IQCK: variants seen among roughly 807,000 people sequenced by gnomAD.
IQCK encodes the protein IQ motif containing K, also known as IQ domain-containing protein K.
In IQCK, 29 loss-of-function variants were observed where a neutral mutation model predicts 28.1. The observed-to-expected ratio is 1.03, with a 90% CI of 0.77 to 1.41. The LOEUF (loss-of-function observed/expected upper bound fraction) is 1.41, where lower values mean the gene tolerates loss of function less well. Ranked by LOEUF, IQCK falls within the 40% of genes most tolerant of loss-of-function variation. The probability of loss-of-function intolerance (pLI) is 0.00; values close to 1 mark genes in which losing one functional copy is unlikely to be tolerated. For missense variants in IQCK, 359 were observed against 314.7 expected (o/e 1.14, Z -1.07); for synonymous variants, 113 against 115.1 (o/e 0.98, Z 0.12).
rs142511677 is a variant in IQCK at position 19,853,738 on chromosome 16, C to T, written c.803-2749C>T. On this transcript the variant is annotated intron_variant, in intron 9 of 9. Transcript: ENST00000320394. ...CCTCTGCCTCCCTTCAAGCGATTCT[C>T]CTGCCTCAGGCTCCCAAGTAGCTGG... 5.0e-3 allele frequency among the ~76,000 whole-genome samples: 769 copies of T among 152,344 alleles called. 8 individuals carry two copies. The highest frequency in any genetic ancestry group is 0.018 in the African/African-American group (743 of 41,586).
rs1285541664 is a variant in IQCK, at chr16:19,793,643, GTTTTTTTTT to G, written c.690+4743_690+4751del. Among the ~76,000 whole-genome samples, 45 of 61,798 alleles carry G rather than the reference GTTTTTTTTT, an allele frequency of 7.3e-4. No individual in the cohort carries two copies. In the South Asian group the frequency reaches 8.8e-3, roughly 12 times the overall value. The allele number at this position is 61,798 out of a possible 152,430, so 40.5% of individuals were successfully genotyped here. ...CAATGCCTATCGAAATCTCAGTTGG[GTTTTTTTTT>G]TTTTTTTTTTTTTTTTTTTTTGTGA... On this transcript the variant is annotated intron_variant, in intron 7 of 7. Coordinates refer to ENST00000564186, the Ensembl canonical transcript of IQCK.
chr16:19,775,885 TTTTTTTTTTTTTTTG>T (rs2055386840), intron 6 of IQCK, among the ~76,000 whole-genome samples: 1 of 134,904 alleles, frequency 7.4e-6, no homozygotes, highest in African/African-American at 2.8e-5. Flanking sequence ...TTTTTTTTTT[TTTTTTTTTTTTTTTG>T]AGAAGGAGTC....
intron 6 of IQCK, among the ~76,000 whole-genome samples, chr16:19,771,287 T>G (rs1010997432): frequency 5.9e-5 from 9 of 152,282 alleles, no homozygotes; most frequent in South Asian, 4.1e-4. Flanking sequence ...AAACAGTGTT[T>G]TGGCATGTTG....
chr16:19,781,850 G>C (rs1158696278), intron 6 of IQCK, among the ~76,000 whole-genome samples: 2 of 152,136 alleles, frequency 1.3e-5, no homozygotes, highest in Non-Finnish European at 2.9e-5. Flanking sequence ...TTAGCTGGGT[G>C]TGGTGGCAGG....
At position 19,799,595 on chromosome 16, in the gene IQCK, TATACAC is replaced by T. The variant is rs150976787; in HGVS notation, c.690+10675_690+10680del. ...CTATATTTTATTTTATATATATATATATACACACACACACACACACACACACACACA... is the reference window on the plus strand; with the variant it reads ...CTATATTTTATTTTATATATATATATACACACACACACACACACACACACA... On this transcript the variant is annotated intron_variant, in intron 7 of 7. Coordinates refer to ENST00000564186, the Ensembl canonical transcript of IQCK. Among the ~76,000 whole-genome samples, 1,011 of 112,238 alleles carry T rather than the reference TATACAC, an allele frequency of 9.0e-3. 44 individuals are homozygous for T. The highest frequency in any genetic ancestry group is 0.035 in the East Asian group (155 of 4,398). 73.6% of individuals were successfully genotyped at this position (112,238 alleles called of 152,430 possible). A position where few individuals can be genotyped will look rare whatever the true frequency, so the allele number is the denominator to read the frequency against.
chr16:19,740,288 G>A (rs911252049), intron 4 of IQCK, among the ~76,000 whole-genome samples: 1 of 152,134 alleles, frequency 6.6e-6, no homozygotes, highest in Non-Finnish European at 1.5e-5. Flanking sequence ...CCCATCATCT[G>A]TGTTTTGACT....
At chr16:19,846,248 ATGG>A (rs1456896543) in intron 9 of IQCK, among the ~76,000 whole-genome samples, 1 of 152,146 alleles carries the variant, frequency 6.6e-6, no homozygotes, top group African/African-American at 2.4e-5. Flanking sequence ...CAGTTGGTAA[ATGG>A]TGGTAGGATT....
At chr16:19,847,862 G>A (rs1430153277) in intron 9 of IQCK, among the ~76,000 whole-genome samples, 1 of 152,146 alleles carries the variant, frequency 6.6e-6, no homozygotes, top group African/African-American at 2.4e-5. Context: ...GAGTGCAGTG[G>A]TGCAATCATA....
At chr16:19,736,426 CTGATTGATTGAT>C (rs3055706) in intron 4 of IQCK, among the ~76,000 whole-genome samples, 1 of 151,424 alleles carries the variant, frequency 6.6e-6, no homozygotes, top group Admixed American at 6.6e-5. Flanking sequence ...CCACGCCTGA[CTGATTGATTGAT>C]TGATTGATTG....
intron 2 of IQCK, among the ~76,000 whole-genome samples, chr16:19,732,117 T>C (rs1977859025): frequency 6.6e-6 from 1 of 152,180 alleles, no homozygotes; most frequent in Non-Finnish European, 1.5e-5. Context: ...CCTCAGCCAA[T>C]CCAATGGTGC....
At chr16:19,725,394 A>G (rs1270343400) in intron 1 of IQCK, among the ~76,000 whole-genome samples, 2 of 152,060 alleles carry the variant, frequency 1.3e-5, no homozygotes, top group Non-Finnish European at 2.9e-5. Flanking sequence ...ACAGGGTTTC[A>G]CTGTGTTGCC....
chr16:19,748,033 A>G (rs2054935997), intron 4 of IQCK, among the ~76,000 whole-genome samples: 1 of 150,308 alleles, frequency 6.7e-6, no homozygotes, highest in African/African-American at 2.5e-5. Flanking sequence ...TAATGTGTGA[A>G]GGGGCTTGTT....
At chr16:19,857,984 G>A (rs2056583622) in exon 10 of IQCK, 1 of 152,650 alleles carries the variant, frequency 6.6e-6, no homozygotes, top group African/African-American at 2.4e-5. Flanking sequence ...ACCAGACACG[G>A]AACAATTTGT....
chr16:19,764,935 G>A (rs2055207797), intron 6 of IQCK, among the ~76,000 whole-genome samples: 4 of 137,308 alleles, frequency 2.9e-5, no homozygotes, highest in South Asian at 2.4e-4. Context: ...TCCTGACCTC[G>A]TGATCCGCCC....
intron 6 of IQCK, among the ~76,000 whole-genome samples, chr16:19,783,942 T>G (rs1335925564): frequency 6.6e-6 from 1 of 152,208 alleles, no homozygotes; most frequent in African/African-American, 2.4e-5. Context: ...GCAGTTCTGT[T>G]TTCCTGCTGC....
chr16:19,727,715 T>G (rs1481509832), intron 1 of IQCK, among the ~76,000 whole-genome samples: 1 of 152,180 alleles, frequency 6.6e-6, no homozygotes, highest in Non-Finnish European at 1.5e-5. Context: ...TGACATTTTC[T>G]TTCAATAAGT....
chr16:19,775,084 A>G (rs1321635363), intron 6 of IQCK, among the ~76,000 whole-genome samples: 1 of 151,988 alleles, frequency 6.6e-6, no homozygotes, highest in Admixed American at 6.6e-5. Flanking sequence ...AACATTAGCC[A>G]GGCGTGGTGG....
chr16:19,724,250 A>G (rs1347548687), intron 1 of IQCK, among the ~76,000 whole-genome samples: 2 of 152,136 alleles, frequency 1.3e-5, no homozygotes, highest in African/African-American at 4.8e-5. Context: ...TCCTCAGGCC[A>G]ATTTCAAAGC....
At chr16:19,744,525 A>C (rs2054880646) in intron 4 of IQCK, among the ~76,000 whole-genome samples, 1 of 152,174 alleles carries the variant, frequency 6.6e-6, no homozygotes, top group Non-Finnish European at 1.5e-5. Context: ...TTTGGTGGAG[A>C]TTACAATTGG....
Sources: gnomAD v4.1 joint callset for allele counts (sites outside exome capture counted in the v4.1 genomes callset) on GRCh38, gnomAD v4.1.1 for gene constraint, MANE v1.5 for transcripts, NCBI Gene and HGNC (gene_info 2026-07-23, HGNC 2026-07-21) for gene names.